EEIG2: variants seen among roughly 807,000 people sequenced by gnomAD.
The protein encoded by EEIG2 is EEIG family member 2.
At chr1:108,568,925 T>C in the EEIG2 span, among the ~76,000 whole-genome samples, 4 of 152,178 alleles carry the variant, frequency 2.6e-5, no homozygotes, top group Non-Finnish European at 1.5e-5. Context: ...TGGGTGCCTG[T>C]ATGCCTAACG....
At chr1:108,597,798 A>G in the EEIG2 span, among the ~76,000 whole-genome samples, 2 of 152,202 alleles carry the variant, frequency 1.3e-5, no homozygotes, top group South Asian at 2.1e-4. Context: ...ATGTTTAACT[A>G]TAAATTTGTA....
At chr1:108,623,705 T>C in the EEIG2 span, among the ~76,000 whole-genome samples, 1 of 152,092 alleles carries the variant, frequency 6.6e-6, no homozygotes, top group African/African-American at 2.4e-5. Flanking sequence ...GGAGTCTCGC[T>C]CTGTCGCCCA....
chr1:108,581,711 A>G, the EEIG2 span, among the ~76,000 whole-genome samples: 2 of 152,204 alleles, frequency 1.3e-5, no homozygotes, highest in East Asian at 1.9e-4. Flanking sequence ...CGAATGGACA[A>G]TGAGGTGCTT....
chr1:108,599,290 T>C, the EEIG2 span, among the ~76,000 whole-genome samples: 1 of 152,178 alleles, frequency 6.6e-6, no homozygotes, highest in African/African-American at 2.4e-5. Flanking sequence ...TCTCTAAGCC[T>C]TTATCTAAAT....
the EEIG2 span, chr1:108,628,889 CATAATACT>C: frequency 2.5e-6 from 3 of 1,178,400 alleles, no homozygotes; most frequent in Non-Finnish European, 3.6e-6. Flanking sequence ...CTCAGAACAT[CATAATACT>C]GACTGTTGCA....
chr1:108,599,757 C>T, the EEIG2 span, among the ~76,000 whole-genome samples: 13 of 152,244 alleles, frequency 8.5e-5, 1 homozygote, highest in Non-Finnish European at 1.5e-4. Flanking sequence ...TTTGGGAGGC[C>T]GAGGCAGGTG....
chr1:108,597,740 A>G, the EEIG2 span, among the ~76,000 whole-genome samples: 1 of 152,118 alleles, frequency 6.6e-6, no homozygotes, highest in Non-Finnish European at 1.5e-5. Context: ...GTTTTTATTT[A>G]GTAGGTTTGG....
the EEIG2 span, among the ~76,000 whole-genome samples, chr1:108,571,753 C>T: frequency 5.3e-5 from 8 of 152,120 alleles, no homozygotes; most frequent in Non-Finnish European, 1.2e-4. Context: ...GAGGTCATGC[C>T]TTCTTTTATT....
At chr1:108,602,233 GT>G in the EEIG2 span, among the ~76,000 whole-genome samples, 3 of 152,146 alleles carry the variant, frequency 2.0e-5, no homozygotes, top group Non-Finnish European at 4.4e-5. Context: ...CCCTGTACTA[GT>G]TTCCTAGGAC....
the EEIG2 span, among the ~76,000 whole-genome samples, chr1:108,587,906 A>G: frequency 6.6e-6 from 1 of 152,114 alleles, no homozygotes. Flanking sequence ...AGCAAAATAA[A>G]TTTTGTGAGT....
the EEIG2 span, among the ~76,000 whole-genome samples, chr1:108,564,539 A>G: frequency 2.0e-5 from 3 of 152,182 alleles, no homozygotes; most frequent in African/African-American, 7.2e-5. Context: ...AGTGGGAGGC[A>G]TTTATGCGGT....
At chr1:108,629,781 T>A in the EEIG2 span, 1 of 727,816 alleles carries the variant, frequency 1.4e-6, no homozygotes, top group Non-Finnish European at 2.5e-6. Flanking sequence ...TAGTAGTAGT[T>A]ACATGCGAAG....
the EEIG2 span, among the ~76,000 whole-genome samples, chr1:108,575,522 G>A: frequency 5.9e-5 from 9 of 152,248 alleles, no homozygotes; most frequent in South Asian, 1.9e-3. Context: ...AATTTTCTTA[G>A]CACCATTATT....
At chr1:108,560,321 C>G in the EEIG2 span, 8 of 908,426 alleles carry the variant, frequency 8.8e-6, no homozygotes, top group Non-Finnish European at 1.1e-5. Context: ...CGCGCCCCCG[C>G]GCACAGCTCG....
the EEIG2 span, among the ~76,000 whole-genome samples, chr1:108,585,079 G>A: frequency 1.3e-5 from 2 of 152,128 alleles, no homozygotes; most frequent in South Asian, 2.1e-4. Context: ...ATATGCATTT[G>A]TAATTATACA....
the EEIG2 span, among the ~76,000 whole-genome samples, chr1:108,584,946 G>T: frequency 6.6e-6 from 1 of 152,076 alleles, no homozygotes; most frequent in African/African-American, 2.4e-5. Context: ...CCAAAAAAAG[G>T]TAATTGGTTG....
chr1:108,638,654 G>T, the EEIG2 span: 1 of 144,274 alleles, frequency 6.9e-6, no homozygotes, highest in Middle Eastern at 3.2e-3. Context: ...ATGCAACCAA[G>T]CACTGTAGTT....
the EEIG2 span, among the ~76,000 whole-genome samples, chr1:108,581,975 TCTC>T: frequency 2.0e-5 from 3 of 152,110 alleles, no homozygotes; most frequent in South Asian, 2.1e-4. Context: ...ATTTCCTTCT[TCTC>T]TTATTTTAAG....
chr1:108,589,783 C>CTTTTTTTTTTTTTT, the EEIG2 span, among the ~76,000 whole-genome samples: 4 of 85,138 alleles, frequency 4.7e-5, no homozygotes, highest in Admixed American at 1.5e-4. Context: ...GTCTTTTGTC[C>CTTTTTTTTTTTTTT]TTTTTTTTTT....
Sources: allele counts gnomAD v4.1 joint callset (sites outside exome capture counted in the v4.1 genomes callset), GRCh38; gene constraint gnomAD v4.1.1; transcripts MANE v1.5; gene names NCBI Gene and HGNC (gene_info 2026-07-23, HGNC 2026-07-21).